The following SLC10A7 variants were observed in gnomAD, a reference collection of about 807,000 sequenced individuals.
The protein encoded by SLC10A7 is solute carrier family 10 member 7, also known as sodium/bile acid cotransporter 7.
SLC10A7 carries 29 observed loss-of-function variants against 43.2 expected under a neutral mutation model. That is an observed-to-expected ratio of 0.67 (90% CI 0.50 to 0.92). The LOEUF is 0.92. Among genes scored for constraint, SLC10A7 ranks in the 40% least tolerant of loss-of-function variants. The pLI, the probability that SLC10A7 is intolerant of heterozygous loss-of-function variation, is 0.00. For synonymous variants in SLC10A7, 152 were observed against 144.8 expected (o/e 1.05, Z -0.35); for missense variants, 295 against 403.2 (o/e 0.73, Z 2.30).
intron 5 of SLC10A7, among the ~76,000 whole-genome samples, chr4:146,383,493 A>G (rs575309894): frequency 6.6e-6 from 1 of 152,310 alleles, no homozygotes; most frequent in Admixed American, 6.5e-5. Flanking sequence ...AAATCTCTAG[A>G]CGATATTTAA....
intron 5 of SLC10A7, among the ~76,000 whole-genome samples, chr4:146,403,159 C>T (rs2679139): frequency 0.82 from 124,298 of 152,182 alleles, 51,481 homozygotes; most frequent in African/African-American, 0.94. Context: ...TGAAGTTTTA[C>T]TATGATATAT....
At chr4:146,356,570 G>GAC (rs1286335271) in intron 5 of SLC10A7, among the ~76,000 whole-genome samples, 1 of 135,306 alleles carries the variant, frequency 7.4e-6, no homozygotes, top group East Asian at 2.2e-4. Context: ...ATCTACAACA[G>GAC]ACAGACACAC....
At chr4:146,499,988 T>C (rs143228144) in intron 4 of SLC10A7, among the ~76,000 whole-genome samples, 78 of 152,250 alleles carry the variant, frequency 5.1e-4, no homozygotes, top group African/African-American at 1.8e-3. Context: ...CCTACACACC[T>C]CTTGAGGGAA....
At chr4:146,311,681 T>C (rs1373231788) in intron 6 of SLC10A7, among the ~76,000 whole-genome samples, 3 of 152,126 alleles carry the variant, frequency 2.0e-5, no homozygotes, top group Non-Finnish European at 4.4e-5. Context: ...GCTTCAGACA[T>C]AGAGCAGGAT....
At chr4:146,334,486 G>C (rs13143634) in intron 5 of SLC10A7, among the ~76,000 whole-genome samples, 76,516 of 151,796 alleles carry the variant, frequency 0.5, 19,565 homozygotes, top group East Asian at 0.62. Flanking sequence ...GAGGAGGAGA[G>C]AAACAACAGC....
intron 5 of SLC10A7, among the ~76,000 whole-genome samples, chr4:146,398,904 A>T (rs1467208005): frequency 8.5e-5 from 13 of 152,226 alleles, no homozygotes; most frequent in Admixed American, 8.5e-4. Context: ...GGTGCCAGGC[A>T]CTGTGTAAGC....
chr4:146,486,062 AAG>A (rs1341142872), intron 4 of SLC10A7, among the ~76,000 whole-genome samples: 1 of 152,230 alleles, frequency 6.6e-6, no homozygotes, highest in Admixed American at 6.5e-5. Context: ...ACTTCAGAAA[AAG>A]AGAGAATACT....
intron 4 of SLC10A7, among the ~76,000 whole-genome samples, chr4:146,443,567 T>G (rs1451050067): frequency 6.6e-6 from 1 of 152,022 alleles, no homozygotes; most frequent in Non-Finnish European, 1.5e-5. Flanking sequence ...AACATCCAAT[T>G]TGATAAAAAG....
chr4:146,495,087 C>G (rs1363171587), intron 4 of SLC10A7, among the ~76,000 whole-genome samples: 1 of 150,058 alleles, frequency 6.7e-6, no homozygotes, highest in Non-Finnish European at 1.5e-5. Context: ...GTTCTTTCAT[C>G]TGTTAAAGAG....
At chr4:146,368,014 T>A (rs1736514778) in intron 5 of SLC10A7, among the ~76,000 whole-genome samples, 1 of 152,154 alleles carries the variant, frequency 6.6e-6, no homozygotes, top group Non-Finnish European at 1.5e-5. Flanking sequence ...CCTAAAAACT[T>A]TCCTTAAGTT....
chr4:146,370,412 GAT>G (rs1736687826), intron 5 of SLC10A7, among the ~76,000 whole-genome samples: 1 of 152,138 alleles, frequency 6.6e-6, no homozygotes, highest in Non-Finnish European at 1.5e-5. Flanking sequence ...TGTATCAAGA[GAT>G]ATGCTTTTCT....
At chr4:146,471,796 C>T (rs72729898) in intron 4 of SLC10A7, among the ~76,000 whole-genome samples, 9,985 of 152,102 alleles carry the variant, frequency 0.066, 430 homozygotes, top group African/African-American at 0.12. Flanking sequence ...TCAGATAGTA[C>T]TTAATTAGTA....
intron 5 of SLC10A7, among the ~76,000 whole-genome samples, chr4:146,392,653 T>C (rs971809916): frequency 7.2e-5 from 11 of 152,092 alleles, no homozygotes; most frequent in Admixed American, 6.5e-4. Context: ...TATCCACCAA[T>C]ATTTTTCCCC....
At chr4:146,384,016 G>A (rs1579049695) in intron 5 of SLC10A7, among the ~76,000 whole-genome samples, 2 of 152,222 alleles carry the variant, frequency 1.3e-5, no homozygotes, top group East Asian at 3.9e-4. Flanking sequence ...CTGGGTCTCA[G>A]TTTCCTCAGT....
chr4:146,313,260 T>C (rs1420780255), intron 6 of SLC10A7, among the ~76,000 whole-genome samples: 1 of 152,158 alleles, frequency 6.6e-6, no homozygotes, highest in Non-Finnish European at 1.5e-5. Context: ...ACTCATCCCA[T>C]GTCTCCAGCT....
intron 6 of SLC10A7, among the ~76,000 whole-genome samples, chr4:146,324,228 C>T (rs544227501): frequency 5.9e-5 from 9 of 152,136 alleles, no homozygotes; most frequent in South Asian, 2.1e-4. Context: ...GAATCAATAT[C>T]GTGAAAATGG....
intron 4 of SLC10A7, among the ~76,000 whole-genome samples, chr4:146,448,354 C>T (rs1159551317): frequency 6.6e-6 from 1 of 152,096 alleles, no homozygotes; most frequent in South Asian, 2.1e-4. Flanking sequence ...CTACCATAAG[C>T]CTGAAATCTA....
At chr4:146,442,842 G>T (rs763204194) in intron 4 of SLC10A7, 21 bp from the exon 5 acceptor site, 2 of 1,474,904 alleles carry the variant, frequency 1.4e-6, no homozygotes, top group African/African-American at 2.9e-5. Context: ...AATAAATAGG[G>T]GAAAAAAACT....
In SLC10A7 at chr4:146,327,613, T is replaced by G. The variant is rs142531075; in HGVS notation, c.436-1617A>C. 5.2e-3 allele frequency among the ~76,000 whole-genome samples: 791 copies of G among 152,358 alleles called. 7 individuals are homozygous for G. The highest frequency in any genetic ancestry group is 0.017 in the Middle Eastern group (5 of 294). ...ACATATAATTAAACATCCACTTATA[T>G]ACTGGGTACTGGGCTCATCCAAGAG... On this transcript the variant is annotated intron_variant, in intron 5 of 11. Transcript: ENST00000335472.
Sources: allele counts gnomAD v4.1 joint callset (sites outside exome capture counted in the v4.1 genomes callset), GRCh38; gene constraint gnomAD v4.1.1; transcripts MANE v1.5; gene names NCBI Gene and HGNC (gene_info 2026-07-23, HGNC 2026-07-21).